The following ZNF799 variants were observed in gnomAD, a reference collection of about 807,000 sequenced individuals.
The protein encoded by ZNF799 is zinc finger protein 14.
In ZNF799, 28 loss-of-function variants were observed where a neutral mutation model predicts 41.0. The observed-to-expected ratio is 0.68, with a 90% confidence interval of 0.51 to 0.94. The LOEUF is 0.94. Ranked by LOEUF, ZNF799 falls within the 40% of genes least tolerant of loss-of-function variation. The probability of loss-of-function intolerance (pLI) is 0.00; values close to 1 mark genes in which losing one functional copy is unlikely to be tolerated. For synonymous variants in ZNF799, 213 were observed against 252.9 expected, an observed-to-expected ratio of 0.84 and a Z score of 1.50; for missense variants, 716 against 764.3, an observed-to-expected ratio of 0.94 and a Z score of 0.74.
intron 1 of ZNF799, chr19:12,400,721 A>G (rs1261790939): frequency 4.1e-6 from 2 of 493,118 alleles, no homozygotes. Context: ...CTCTCTGGCT[A>G]TTAAACTGTT....
At chr19:12,403,510 T>A (rs1970011646), upstream of ZNF799, among the ~76,000 whole-genome samples, 2 of 152,086 alleles carry the variant, frequency 1.3e-5, no homozygotes, top group African/African-American at 4.8e-5. Flanking sequence ...TAAAATGCAT[T>A]CTTAGGTTGT....
Position 12,390,975 on chromosome 19 carries a change from G to A in ZNF799, c.1423C>T (p.Pro475Ser). 1 of 1,614,096 alleles carries A rather than the reference G, an allele frequency of 6.2e-7. No individual in the cohort carries two copies. Among genetic ancestry groups the A allele is most frequent in the Non-Finnish European group, 8.5e-7 (1 of 1,179,998 alleles). The change falls in exon 4 of 4, where the codon CCA (proline) becomes TCA (serine). Residue 475 changes from proline to serine, a missense_variant. Coordinates refer to ENST00000430385, the MANE Select transcript of ZNF799 (RefSeq NM_001080821.3). The part of the protein sequence containing the change: ...NHKTTHAGEK[P>S]YECKECGKAF... ...TTCCCACATTCCTTACACTCATATG[G>A]CTTCTCTCCAGCATGAGTTGTTTTG...
the ZNF799 span, among the ~76,000 whole-genome samples, chr19:12,412,945 C>T: frequency 5.4e-5 from 8 of 148,570 alleles, no homozygotes; most frequent in East Asian, 6.0e-4. Flanking sequence ...GCAGGAGAAT[C>T]GCTTGAACCC....
the ZNF799 span, among the ~76,000 whole-genome samples, chr19:12,412,179 C>T: frequency 9.2e-5 from 14 of 152,244 alleles, 1 homozygote; most frequent in South Asian, 1.7e-3. Context: ...GGGGAACTTG[C>T]GCATACTTCC....
At chr19:12,398,990 C>A (rs543404489) in intron 1 of ZNF799, among the ~76,000 whole-genome samples, 42 of 152,282 alleles carry the variant, frequency 2.8e-4, no homozygotes, top group African/African-American at 8.7e-4. Context: ...ATTACTTATA[C>A]AATTTATTTT....
upstream of ZNF799, among the ~76,000 whole-genome samples, chr19:12,401,569 C>CGAGAGAGAGAGAGAGAGAGA (rs142456121): frequency 3.3e-4 from 26 of 78,456 alleles, no homozygotes; most frequent in African/African-American, 1.4e-3. Flanking sequence ...TTTTTTTTTC[C>CGAGAGAGAGAGAGAGAGAGA]GAGAGAGAGA....
At position 12,391,374 on chromosome 19, in the gene ZNF799, A is replaced by G. The variant is rs768356677; in HGVS notation, c.1024T>C (p.Cys342Arg). Residue 342 changes from cysteine to arginine, a missense_variant, in exon 4 of 4, where the codon TGT becomes CGT. Cys to Arg is a radical substitution (Grantham distance 180). Coordinates refer to ENST00000430385, the MANE Select transcript of ZNF799 (RefSeq NM_001080821.3). ...TRDGPHKCKI[C>R]GKGFDCPSSL... The stretch of plus-strand genomic sequence containing the variant: ...CTAGGACAATCAAAGCCTTTTCCAC[A>G]TATCTTACACTTATGAGGTCCATCT... 17 of 1,614,110 alleles carry G rather than the reference A, an allele frequency of 1.1e-5. No homozygotes were observed. Among genetic ancestry groups the G allele is most frequent in the East Asian group, 8.9e-5 (4 of 44,874 alleles).
chr19:12,409,210 TC>T, the ZNF799 span, among the ~76,000 whole-genome samples: 112,007 of 151,990 alleles, frequency 0.74, 41,750 homozygotes, highest in Non-Finnish European at 0.78. Flanking sequence ...ACAACCTAGA[TC>T]CCCTTGCATG....
the ZNF799 span, among the ~76,000 whole-genome samples, chr19:12,406,682 C>T: frequency 2.0e-5 from 3 of 151,958 alleles, no homozygotes; most frequent in Non-Finnish European, 4.4e-5. Context: ...GGGCGAATCA[C>T]GAGGTCAGGA....
At chr19:12,413,664 CTT>C in the ZNF799 span, among the ~76,000 whole-genome samples, 4 of 152,210 alleles carry the variant, frequency 2.6e-5, no homozygotes, top group African/African-American at 9.6e-5. Flanking sequence ...TCTTAGAAAA[CTT>C]AAATTCATCC....
upstream of ZNF799, among the ~76,000 whole-genome samples, chr19:12,401,541 CTTTTTTTTTTTTT>C (rs769048606): frequency 1.7e-4 from 7 of 41,728 alleles, no homozygotes; most frequent in East Asian, 2.7e-3. Context: ...AACAATTATA[CTTTTTTTTTTTTT>C]TTTTTTTTTT....
chr19:12,390,071 G>T lies in ZNF799; in HGVS notation c.*395C>A, dbSNP rs997252323. The T allele has an allele frequency of 7.7e-6, 2 of 260,936 alleles. No individual in the cohort carries two copies. Among genetic ancestry groups the T allele is most frequent in the Non-Finnish European group, 7.3e-6 (1 of 137,102 alleles). The allele number at this position is 260,936 out of a possible 1,614,324, so 16.2% of individuals were successfully genotyped here. A position where few individuals can be genotyped will look rare whatever the true frequency, so the allele number is the denominator to read the frequency against. On this transcript the variant is annotated 3_prime_UTR_variant, in exon 4 of 4. Transcript: ENST00000430385. ...CTGGCTGACTATACTATGTTGATAG[G>T]CTGACAATTACTGCATCTATACTGA...
Position 12,399,643 on chromosome 19 carries a change from CTTTTTTT to C in ZNF799, c.3+1418_3+1424del, listed in dbSNP as rs35008340. ...AAGAGACTTGGCAGCTGTGGACACCCTTTTTTTTTTTTTTTTTTGAGACAGGGTCGGC... is the reference window on the plus strand; with the variant it reads ...AAGAGACTTGGCAGCTGTGGACACCCTTTTTTTTTTTGAGACAGGGTCGGC... On this transcript the variant is annotated intron_variant, in intron 1 of 3. Transcript: ENST00000430385. Among the ~76,000 whole-genome samples, 25 of 128,850 alleles carry C rather than the reference CTTTTTTT, an allele frequency of 1.9e-4. 3 individuals carry two copies. Among genetic ancestry groups the C allele is most frequent in the African/African-American group, 7.8e-4 (24 of 30,624 alleles). 84.5% of individuals were successfully genotyped at this position (128,850 alleles called of 152,430 possible).
intron 1 of ZNF799, among the ~76,000 whole-genome samples, chr19:12,400,121 G>A (rs541800346): frequency 1.3e-5 from 2 of 152,198 alleles, no homozygotes; most frequent in Non-Finnish European, 2.9e-5. Flanking sequence ...GCCAGCCCTA[G>A]GAGGAGTCAG....
the ZNF799 span, among the ~76,000 whole-genome samples, chr19:12,407,859 A>C: frequency 3.9e-5 from 6 of 152,188 alleles, no homozygotes; most frequent in Non-Finnish European, 7.3e-5. Context: ...TTTACTGGTA[A>C]AATTTAAGAA....
chr19:12,392,469 T>C lies in ZNF799; in HGVS notation c.191+134A>G, dbSNP rs1969839919. On this transcript the variant is annotated intron_variant, in intron 3 of 3. Transcript: ENST00000430385. ...AACAGCTATGGAACATTTAAGTATA[T>C]ATTTTGGAGAAAATTTTCTAAGAAT... is the stretch of plus-strand genomic sequence containing the variant. 5 of 863,624 alleles carry C rather than the reference T, an allele frequency of 5.8e-6. No homozygotes were observed. The East Asian group carries it at 1.1e-4, about 18-fold the overall frequency. 53.5% of individuals were successfully genotyped at this position (863,624 alleles called of 1,614,324 possible).
rs373313750 is a variant in ZNF799, at chr19:12,391,802, C to A, written c.596G>T (p.Cys199Phe). The A allele has an allele frequency of 2.4e-5, 39 of 1,614,070 alleles. No homozygotes were observed. The African/African-American group carries it at 5.2e-4, about 22-fold the overall frequency. The change falls in exon 4 of 4, where the codon TGT becomes TTT. Residue 199 changes from cysteine to phenylalanine, a missense_variant. By Grantham distance (205) the Cys-to-Phe change is radical. Around this residue, in one of 2 missense-constraint regions of ZNF799, gnomAD observed 698 missense variants for 713.6 expected, o/e 0.98. Transcript: ENST00000430385. ...AAAAAACGCTTTCCCACACAACTTA[C>A]ATTTATAAGGTCCATCTCCACGCTG... is the stretch of plus-strand genomic sequence containing the variant. ...AVQRGDGPYK[C>F]KLCGKAFFWP...
chr19:12,391,595 C>T lies in ZNF799; in HGVS notation c.803G>A (p.Cys268Tyr), dbSNP rs776097553. Residue 268 changes from cysteine (C) to tyrosine (Y), a missense_variant, in exon 4 of 4, where the codon TGT becomes TAT. Physicochemically the swap from Cys to Tyr is radical, Grantham distance 194. Around this residue, in one of 2 missense-constraint regions of ZNF799, gnomAD observed 698 missense variants for 713.6 expected, o/e 0.98. Coordinates refer to ENST00000430385, the MANE Select transcript of ZNF799 (RefSeq NM_001080821.3). ...AGTGTGAGTTCTTTCATGTCTTAGACAAGAACTGTAATCAGGGAAGGCTTT... is the reference window on the plus strand; with the variant it reads ...AGTGTGAGTTCTTTCATGTCTTAGATAAGAACTGTAATCAGGGAAGGCTTT... ...CSKAFPDYSS[C>Y]LRHERTHTGK... The T allele has an allele frequency of 1.9e-6, 3 of 1,613,842 alleles. No homozygotes were observed. Among genetic ancestry groups the T allele is most frequent in the East Asian group, 2.2e-5 (1 of 44,866 alleles).
At position 12,390,741 on chromosome 19, in the gene ZNF799, T is replaced by C; in HGVS notation, c.1657A>G (p.Ile553Val). ...WLTCFLRHER[I>V]HMREKPYECQ... ...TCATAGGGTTTCTCTCTCATGTGAA[T>C]TCTTTCATGTCGTAGAAAGCAAGTG... is the stretch of plus-strand genomic sequence containing the variant. The change falls in exon 4 of 4, where the codon ATT becomes GTT. Residue 553 changes from isoleucine to valine, a missense_variant. Around this residue, in one of 2 missense-constraint regions of ZNF799, gnomAD observed 698 missense variants for 713.6 expected, o/e 0.98. Coordinates refer to ENST00000430385, the MANE Select transcript of ZNF799 (RefSeq NM_001080821.3). 1 of 1,614,098 alleles carries C rather than the reference T, an allele frequency of 6.2e-7. No individual in the cohort carries two copies. The highest frequency in any genetic ancestry group is 8.5e-7 in the Non-Finnish European group (1 of 1,179,982).
Sources: allele counts gnomAD v4.1 joint callset (sites outside exome capture counted in the v4.1 genomes callset), GRCh38; gene constraint gnomAD v4.1.1; regional missense constraint gnomAD v4.1.1; transcripts MANE v1.5; gene names NCBI Gene and HGNC (gene_info 2026-07-23, HGNC 2026-07-21).